RERE: variants seen among roughly 807,000 people sequenced by gnomAD.
RERE encodes arginine-glutamic acid dipeptide repeats protein.
A neutral mutation model predicts 146.1 loss-of-function variants in RERE; 40 were observed. The ratio of observed to expected loss-of-function variants is 0.27; its 90% CI spans 0.21 to 0.36. The LOEUF (loss-of-function observed/expected upper bound fraction) is 0.36. RERE is among the 10% of genes least tolerant of loss of function. RERE has a pLI of 1.00. For missense variants in RERE, 1,933 were observed against 2,138.7 expected, an observed-to-expected ratio of 0.90 and a Z score of 1.90; for synonymous variants, 1,003 against 866.0, an observed-to-expected ratio of 1.16 and a Z score of -2.78.
chr1:8,585,473 C>T (rs1646416435), intron 4 of RERE, among the ~76,000 whole-genome samples: 1 of 152,166 alleles, frequency 6.6e-6, no homozygotes, highest in Admixed American at 6.5e-5. Context: ...GCGATAACAT[C>T]TCTCACTAAA....
chr1:8,353,480 C>A lies in RERE; in HGVS notation c.*1607G>T, dbSNP rs183965785. 1 of 152,398 alleles carries A rather than the reference C, an allele frequency of 6.6e-6. No individual in the cohort carries two copies. Among genetic ancestry groups the A allele is most frequent in the East Asian group, 1.9e-4 (1 of 5,188 alleles). The allele number at this position is 152,398 out of a possible 1,614,324, so 9.4% of individuals were successfully genotyped here. A position where few individuals can be genotyped will look rare whatever the true frequency, so the allele number is the denominator to read the frequency against. Reference sequence around the variant, plus strand: ...TACAATTCTTGGGATGGGACCAGCACAATGGCAGAAGAGACCTCCAGTGTC... The same window carrying A: ...TACAATTCTTGGGATGGGACCAGCAAAATGGCAGAAGAGACCTCCAGTGTC... On this transcript the variant is annotated 3_prime_UTR_variant, in exon 23 of 23. Coordinates refer to ENST00000400908, the MANE Select transcript of RERE (RefSeq NM_001042681.2).
chr1:8,458,581 A>G (rs1231534906), intron 11 of RERE, among the ~76,000 whole-genome samples: 1 of 151,690 alleles, frequency 6.6e-6, no homozygotes, highest in Non-Finnish European at 1.5e-5. Flanking sequence ...ATGCGCGCAC[A>G]CACACATATA....
At chr1:8,574,817 A>G (rs1646270579) in intron 4 of RERE, among the ~76,000 whole-genome samples, 1 of 152,182 alleles carries the variant, frequency 6.6e-6, no homozygotes, top group South Asian at 2.1e-4. Context: ...TGGAGTGCAC[A>G]CATTTTATTT....
chr1:8,720,503 GAGAC>G (rs929380427), intron 1 of RERE, among the ~76,000 whole-genome samples: 7 of 152,080 alleles, frequency 4.6e-5, no homozygotes, highest in African/African-American at 1.4e-4. Context: ...AGAGAGAAGA[GAGAC>G]AGACAGACAG....
chr1:8,517,842 C>T (rs1033678179), intron 7 of RERE, among the ~76,000 whole-genome samples: 14 of 152,130 alleles, frequency 9.2e-5, no homozygotes, highest in East Asian at 1.9e-4. Flanking sequence ...ACCATGGAAA[C>T]GTTTTATTCT....
chr1:8,781,015 G>A (rs962434036), intron 1 of RERE, among the ~76,000 whole-genome samples: 5 of 151,804 alleles, frequency 3.3e-5, no homozygotes, highest in Admixed American at 3.3e-4. Flanking sequence ...TGAGCCCAGA[G>A]GGTTGAGACC....
At chr1:8,594,321 G>A (rs1273760915) in intron 4 of RERE, among the ~76,000 whole-genome samples, 1 of 152,114 alleles carries the variant, frequency 6.6e-6, no homozygotes, top group African/African-American at 2.4e-5. Context: ...CATCACGACT[G>A]TACATAAAAT....
chr1:8,549,035 T>C (rs1645901324), intron 6 of RERE, among the ~76,000 whole-genome samples: 1 of 152,168 alleles, frequency 6.6e-6, no homozygotes, highest in South Asian at 2.1e-4. Flanking sequence ...GAAATTAATA[T>C]AACCTTACAA....
At position 8,737,754 on chromosome 1, in the gene RERE, C is replaced by T. The variant is rs541355464; in HGVS notation, c.-145+79406G>A. 4.6e-4 allele frequency among the ~76,000 whole-genome samples: 70 copies of T among 152,202 alleles called. 1 individual carries two copies. Among genetic ancestry groups the T allele is most frequent in the Middle Eastern group, 3.4e-3 (1 of 294 alleles). On this transcript the variant is annotated intron_variant, in intron 1 of 22. Coordinates refer to ENST00000400908, the MANE Select transcript of RERE (RefSeq NM_001042681.2). ...CGTGGCTGGAAAAAAATGTTTTCATCCAGAGAGTAAAACTCAATGAAGTGG... is the reference window on the plus strand; with the variant it reads ...CGTGGCTGGAAAAAAATGTTTTCATTCAGAGAGTAAAACTCAATGAAGTGG...
At chr1:8,495,305 T>G in intron 9 of RERE, 143 bp from the exon 10 acceptor site, 2 of 533,204 alleles carry the variant, frequency 3.8e-6, no homozygotes, top group Non-Finnish European at 3.3e-6. Context: ...GCTCTGCCTC[T>G]GCTCCTATTT....
intron 12 of RERE, among the ~76,000 whole-genome samples, chr1:8,407,222 T>G (rs2124450836): frequency 6.6e-6 from 1 of 152,286 alleles, no homozygotes; most frequent in East Asian, 1.9e-4. Context: ...TCTTTTTGTG[T>G]GACAGAATTG....
chr1:8,651,524 T>G (rs1268816183), intron 2 of RERE, among the ~76,000 whole-genome samples: 1 of 151,760 alleles, frequency 6.6e-6, no homozygotes. Context: ...AGGATAATGG[T>G]TTTTCATCAC....
At chr1:8,604,735 C>T (rs1212864704) in intron 4 of RERE, among the ~76,000 whole-genome samples, 1 of 151,856 alleles carries the variant, frequency 6.6e-6, no homozygotes, top group Non-Finnish European at 1.5e-5. Flanking sequence ...CTCTACATTA[C>T]AAATTCAAAC....
intron 6 of RERE, among the ~76,000 whole-genome samples, chr1:8,543,710 C>G (rs899483504): frequency 6.6e-6 from 1 of 152,180 alleles, no homozygotes; most frequent in African/African-American, 2.4e-5. Context: ...TACCTAGAAG[C>G]ACCCATACAC....
rs1401551673 is a variant in RERE, at chr1:8,423,389, C to T, written c.1204-582G>A. 1.5e-5 allele frequency: 4 copies of T among 270,708 alleles called. No homozygotes were observed. Among genetic ancestry groups the T allele is most frequent in the African/African-American group, 4.6e-5 (2 of 43,662 alleles). 16.8% of individuals were successfully genotyped at this position (270,708 alleles called of 1,614,324 possible). ...TCCGTCATTAAAAGCCACTCCGAGA[C>T]ACCAGAGAATAACCAGCACCCCTTC... On this transcript the variant is annotated intron_variant, in intron 11 of 22. Coordinates refer to ENST00000400908, the MANE Select transcript of RERE (RefSeq NM_001042681.2). The surrounding 1 kb of genome is among the most constrained non-coding windows in gnomAD (Gnocchi z 5.4).
chr1:8,588,699 A>G (rs1646456484), intron 4 of RERE, among the ~76,000 whole-genome samples: 1 of 152,252 alleles, frequency 6.6e-6, no homozygotes, highest in African/African-American at 2.4e-5. Flanking sequence ...AATACTTTTG[A>G]TCATGAACTT....
At position 8,362,895 on chromosome 1, in the gene RERE, G is replaced by A. The variant is rs569440410; in HGVS notation, c.1741-51C>T. ...GACACCAGATTCCCAGTCCCCATGT[G>A]GACCCACCTGAGCCCAACCCACAGG... On this transcript the variant is annotated intron_variant, in intron 15 of 22. Coordinates refer to ENST00000400908, the MANE Select transcript of RERE (RefSeq NM_001042681.2). The A allele has an allele frequency of 4.4e-6, 7 of 1,573,106 alleles. No individual in the cohort carries two copies. The African/African-American group carries it at 9.4e-5, about 21-fold the overall frequency.
At chr1:8,727,451 T>C (rs560374792) in intron 1 of RERE, among the ~76,000 whole-genome samples, 4 of 152,138 alleles carry the variant, frequency 2.6e-5, no homozygotes, top group Admixed American at 1.3e-4. Context: ...TAGTAGTCAT[T>C]ATTAAAACAT....
chr1:8,779,719 A>G (rs1005584721), intron 1 of RERE, among the ~76,000 whole-genome samples: 14 of 152,268 alleles, frequency 9.2e-5, no homozygotes, highest in Non-Finnish European at 4.4e-5. Context: ...CTATTTATTC[A>G]TTATCATATC....
Sources: allele counts gnomAD v4.1 joint callset (sites outside exome capture counted in the v4.1 genomes callset), GRCh38; gene constraint gnomAD v4.1.1; non-coding constraint Gnocchi (gnomAD v3.1); transcripts MANE v1.5; gene names NCBI Gene and HGNC (gene_info 2026-07-23, HGNC 2026-07-21).